The following FNIP2 variants were observed in gnomAD, a reference collection of about 807,000 sequenced individuals.
FNIP2 encodes the protein folliculin interacting protein 2, also known as folliculin-interacting protein 2.
Under a neutral mutation model 108.7 loss-of-function variants are expected in FNIP2, and 32 were observed. That is an observed-to-expected ratio of 0.29 (90% CI 0.22 to 0.40). The LOEUF is 0.40. Ranked by LOEUF, FNIP2 falls within the 10% of genes least tolerant of loss-of-function variation. The probability of loss-of-function intolerance (pLI) is 1.00; values close to 1 mark genes in which losing one functional copy is unlikely to be tolerated. For synonymous variants in FNIP2, 480 were observed against 496.7 expected, an observed-to-expected ratio of 0.97 and a Z score of 0.45; for missense variants, 1,202 against 1,381.6, an observed-to-expected ratio of 0.87 and a Z score of 2.06.
In FNIP2 at chr4:158,903,541, C is replaced by G. The variant is rs114802120; in HGVS notation, c.3267-925C>G. Among the ~76,000 whole-genome samples, 1,179 of 152,228 alleles carry G rather than the reference C, an allele frequency of 7.7e-3. 21 individuals carry two copies. The highest frequency in any genetic ancestry group is 0.027 in the African/African-American group (1,113 of 41,530). ...CACGTGTAATCATAAGCTTTTATTC[C>G]CCTTTGCACTCATCTCTAGGTCCTC... is the stretch of plus-strand genomic sequence containing the variant. On this transcript the variant is annotated intron_variant, in intron 16 of 16. Transcript: ENST00000264433.
At position 158,769,180 on chromosome 4, in the gene FNIP2, G is replaced by T; in HGVS notation, c.-33G>T. 8.3e-7 allele frequency: 1 copy of T among 1,209,642 alleles called. No homozygotes were observed. The highest frequency in any genetic ancestry group is 1.1e-6 in the Non-Finnish European group (1 of 946,522). The allele number at this position is 1,209,642 out of a possible 1,614,324, so 74.9% of individuals were successfully genotyped here. On this transcript the variant is annotated 5_prime_UTR_variant, in exon 1 of 17. Coordinates refer to ENST00000264433, the MANE Select transcript of FNIP2 (RefSeq NM_020840.3). ...CTGCGCGCTGAGCCGCCGGCCCCCC[G>T]AGCGCCACGGCCGGAGCTGCGGCGG...
chr4:158,851,112 A>G (rs764661431), intron 7 of FNIP2, among the ~76,000 whole-genome samples: 1 of 152,144 alleles, frequency 6.6e-6, no homozygotes, highest in Non-Finnish European at 1.5e-5. Context: ...ATAATATGAA[A>G]TTTACCATCT....
chr4:158,896,649 G>A (rs1039401225), intron 16 of FNIP2, among the ~76,000 whole-genome samples: 10 of 152,068 alleles, frequency 6.6e-5, no homozygotes, highest in Admixed American at 5.2e-4. Context: ...CACCCAGAAT[G>A]TGACGCCTGT....
At chr4:158,848,045 G>A (rs1183045757) in intron 7 of FNIP2, among the ~76,000 whole-genome samples, 2 of 152,198 alleles carry the variant, frequency 1.3e-5, no homozygotes, top group Non-Finnish European at 2.9e-5. Context: ...AGCATCTCTG[G>A]ACTCACCAGG....
At position 158,895,610 on chromosome 4, in the gene FNIP2, G is replaced by T. The variant is rs116934987; in HGVS notation, c.3151-140G>T. On this transcript the variant is annotated intron_variant, in intron 15 of 16. Coordinates refer to ENST00000264433, the MANE Select transcript of FNIP2 (RefSeq NM_020840.3). ...CCTGGTAGTGGTAGGGTTTGAGATG[G>T]CTTGTGATTTTTTAAGTGTATTTGA... 378 of 609,090 alleles carry T rather than the reference G, an allele frequency of 6.2e-4. 1 individual carries two copies. The East Asian group carries it at 8.0e-3, about 13-fold the overall frequency. The allele number at this position is 609,090 out of a possible 1,614,324, so 37.7% of individuals were successfully genotyped here.
chr4:158,773,575 T>A (rs917578247), intron 1 of FNIP2, among the ~76,000 whole-genome samples: 13 of 152,166 alleles, frequency 8.5e-5, no homozygotes, highest in Non-Finnish European at 1.6e-4. Flanking sequence ...ACAAACTGAT[T>A]TTAAGTATTA....
At chr4:158,869,508 C>T in intron 13 of FNIP2, 80 bp downstream of exon 13, 1 of 1,448,034 alleles carries the variant, frequency 6.9e-7, no homozygotes, top group Admixed American at 2.6e-5. Context: ...ATGTTGTTAG[C>T]CACTACTATT....
chr4:158,784,250 C>T (rs1776144329), intron 1 of FNIP2, among the ~76,000 whole-genome samples: 1 of 152,218 alleles, frequency 6.6e-6, no homozygotes, highest in African/African-American at 2.4e-5. Context: ...ATTCCGTCCT[C>T]CAAAATTACT....
In FNIP2 at chr4:158,868,697, A is replaced by G; in HGVS notation, c.2061A>G (p.Lys687=). 7 of 1,614,026 alleles carry G rather than the reference A, an allele frequency of 4.3e-6. No homozygotes were observed. Among genetic ancestry groups the G allele is most frequent in the Non-Finnish European group, 5.9e-6 (7 of 1,179,908 alleles). ...MDQQAVCELL[K]VEMPTRLPDR... Reference sequence around the variant, plus strand: ...AGCAAGCTGTCTGTGAGCTGTTGAAAGTGGAGATGCCTACAAGACTGCCAG... The same window carrying G: ...AGCAAGCTGTCTGTGAGCTGTTGAAGGTGGAGATGCCTACAAGACTGCCAG... The change falls in exon 13 of 17, where the codon AAA becomes AAG. Residue 687 remains lysine, a synonymous_variant. Transcript: ENST00000264433. The surrounding 1 kb of genome is among the most constrained non-coding windows in gnomAD (Gnocchi z 4.6).
chr4:158,817,827 G>A (rs903801918), intron 1 of FNIP2, among the ~76,000 whole-genome samples: 2 of 152,196 alleles, frequency 1.3e-5, no homozygotes, highest in African/African-American at 4.8e-5. Flanking sequence ...TTACAGGCAT[G>A]AGCCACCATG....
Position 158,783,654 on chromosome 4 carries a change from T to C in FNIP2, c.107+14335T>C, listed in dbSNP as rs141223111. Among the ~76,000 whole-genome samples, 255 of 152,188 alleles carry C rather than the reference T, an allele frequency of 1.7e-3. 1 individual carries two copies. The highest frequency in any genetic ancestry group is 5.9e-3 in the African/African-American group (243 of 41,510). ...TCTCAGGAGTCCGTTCACCATCAGA[T>C]TAGTGAAATTTCACACAAATTAGTG... On this transcript the variant is annotated intron_variant, in intron 1 of 16. Coordinates refer to ENST00000264433, the MANE Select transcript of FNIP2 (RefSeq NM_020840.3).
intron 12 of FNIP2, among the ~76,000 whole-genome samples, chr4:158,865,177 G>A (rs1271506781): frequency 6.6e-6 from 1 of 151,934 alleles, no homozygotes; most frequent in Admixed American, 6.6e-5. Flanking sequence ...TTTAATTGAG[G>A]TAAAAAGCAT....
At chr4:158,896,841 G>GT (rs57097896) in intron 16 of FNIP2, among the ~76,000 whole-genome samples, 10,866 of 144,844 alleles carry the variant, frequency 0.075, 562 homozygotes, top group African/African-American at 0.15. Context: ...TGCCTTATTA[G>GT]TTTTTTTTTT....
intron 12 of FNIP2, among the ~76,000 whole-genome samples, chr4:158,867,363 T>G (rs1780641841): frequency 6.6e-6 from 1 of 152,130 alleles, no homozygotes; most frequent in African/African-American, 2.4e-5. Context: ...CGCCTAATTT[T>G]TGTATTTTGG....
At chr4:158,824,882 C>A (rs1033830064) in intron 1 of FNIP2, among the ~76,000 whole-genome samples, 14 of 152,172 alleles carry the variant, frequency 9.2e-5, no homozygotes, top group African/African-American at 2.9e-4. Context: ...TTCTTCAGGT[C>A]TGTGTTTACA....
At chr4:158,770,327 G>C (rs1775654091) in intron 1 of FNIP2, among the ~76,000 whole-genome samples, 1 of 152,150 alleles carries the variant, frequency 6.6e-6, no homozygotes, top group African/African-American at 2.4e-5. Flanking sequence ...TTTTAAAATT[G>C]AGCACCAACT....
chr4:158,878,523 TA>T (rs1335462816), intron 14 of FNIP2, among the ~76,000 whole-genome samples: 2 of 152,050 alleles, frequency 1.3e-5, no homozygotes, highest in East Asian at 3.9e-4. Flanking sequence ...ACCCAAGAAA[TA>T]AACATAAAAC....
At position 158,833,859 on chromosome 4, in the gene FNIP2, C is replaced by T. The variant is rs1402208003; in HGVS notation, c.655+231C>T. On this transcript the variant is annotated intron_variant, in intron 6 of 16. Coordinates refer to ENST00000264433, the MANE Select transcript of FNIP2 (RefSeq NM_020840.3). ...AGGGGGTAGCTGAAGGAGGACCTCT[C>T]CGGCTCACCCGGAGTGCTTCTTTCT... 4 of 1,472,884 alleles carry T rather than the reference C, an allele frequency of 2.7e-6. No individual in the cohort carries two copies. In the South Asian group the frequency reaches 5.0e-5, roughly 18 times the overall value. 91.2% of individuals were successfully genotyped at this position (1,472,884 alleles called of 1,614,324 possible).
intron 1 of FNIP2, among the ~76,000 whole-genome samples, chr4:158,774,728 G>T (rs1775806147): frequency 6.6e-6 from 1 of 152,132 alleles, no homozygotes; most frequent in East Asian, 1.9e-4. Context: ...TAGTCTTCCT[G>T]GGGGCTCAGA....
Sources: allele counts gnomAD v4.1 joint callset (sites outside exome capture counted in the v4.1 genomes callset), GRCh38; gene constraint gnomAD v4.1.1; non-coding constraint Gnocchi (gnomAD v3.1); transcripts MANE v1.5; gene names NCBI Gene and HGNC (gene_info 2026-07-23, HGNC 2026-07-21).